Variants in PLCB1 observed in about 807,000 individuals in gnomAD.
PLCB1 encodes the protein 1-phosphatidylinositol 4,5-bisphosphate phosphodiesterase beta-1.
PLCB1 carries 46 observed loss-of-function variants against 161.8 expected under a neutral mutation model. The observed-to-expected ratio is 0.28, with a 90% CI of 0.22 to 0.36. The LOEUF (loss-of-function observed/expected upper bound fraction) is 0.36. PLCB1 is among the 10% of genes least tolerant of loss of function. The pLI, the probability that PLCB1 is intolerant of heterozygous loss-of-function variation, is 1.00. For missense variants in PLCB1, 1,016 were observed against 1,472.5 expected, an observed-to-expected ratio of 0.69 and a Z score of 5.07; for synonymous variants, 517 against 503.7, an observed-to-expected ratio of 1.03 and a Z score of -0.35.
At chr20:8,420,050 G>C (rs1979474882) in intron 3 of PLCB1, among the ~76,000 whole-genome samples, 2 of 152,148 alleles carry the variant, frequency 1.3e-5, no homozygotes, top group Non-Finnish European at 2.9e-5. Flanking sequence ...CTGATTAATG[G>C]AGCTGATTCT....
intron 4 of PLCB1, among the ~76,000 whole-genome samples, chr20:8,634,007 C>G (rs1402052942): frequency 1.3e-5 from 2 of 152,114 alleles, no homozygotes; most frequent in Non-Finnish European, 1.5e-5. Context: ...AATTTACTTA[C>G]AGTTCATGGG....
intron 3 of PLCB1, among the ~76,000 whole-genome samples, chr20:8,613,952 C>T (rs1379242847): frequency 6.6e-6 from 1 of 151,736 alleles, no homozygotes; most frequent in Non-Finnish European, 1.5e-5. Context: ...AATATTACAA[C>T]ATATATATCA....
chr20:8,580,268 A>G (rs556461852), intron 3 of PLCB1, among the ~76,000 whole-genome samples: 1 of 152,344 alleles, frequency 6.6e-6, no homozygotes, highest in South Asian at 2.1e-4. Context: ...CCTTCCCTTC[A>G]AAAATACACT....
At chr20:8,527,091 A>G (rs1244655157) in intron 3 of PLCB1, among the ~76,000 whole-genome samples, 3 of 152,122 alleles carry the variant, frequency 2.0e-5, no homozygotes, top group African/African-American at 4.8e-5. Context: ...ACACTTGAGT[A>G]TGCATTCTTC....
At chr20:8,800,274 A>C (rs933718185) in intron 31 of PLCB1, among the ~76,000 whole-genome samples, 3 of 152,350 alleles carry the variant, frequency 2.0e-5, no homozygotes, top group Admixed American at 6.5e-5. Flanking sequence ...GGCCATATTC[A>C]TGCAGCAAAT....
chr20:8,643,086 G>T (rs1480403710), intron 4 of PLCB1, among the ~76,000 whole-genome samples: 1 of 152,140 alleles, frequency 6.6e-6, no homozygotes, highest in Non-Finnish European at 1.5e-5. Context: ...CTTCTCTCTT[G>T]CAGCTATTCT....
intron 12 of PLCB1, among the ~76,000 whole-genome samples, chr20:8,710,303 T>C (rs1978927074): frequency 6.6e-6 from 1 of 151,984 alleles, no homozygotes; most frequent in African/African-American, 2.4e-5. Flanking sequence ...GAGAACTCAC[T>C]ATCGCAACAA....
chr20:8,382,798 C>T (rs529701576), intron 3 of PLCB1, among the ~76,000 whole-genome samples: 55 of 152,246 alleles, frequency 3.6e-4, no homozygotes, highest in African/African-American at 1.2e-3. Flanking sequence ...CAGCCCACCT[C>T]GGCCTCCCAA....
chr20:8,717,545 A>G, intron 13 of PLCB1, 126 bp from the exon 14 acceptor site: 3 of 651,240 alleles, frequency 4.6e-6, no homozygotes, highest in Non-Finnish European at 7.9e-6. Flanking sequence ...TAAGAGTTTA[A>G]TGAGCAGTGT....
At chr20:8,193,661 T>C (rs868263157) in intron 2 of PLCB1, among the ~76,000 whole-genome samples, 1 of 152,052 alleles carries the variant, frequency 6.6e-6, no homozygotes, top group Non-Finnish European at 1.5e-5. Context: ...GAGCTGTTTC[T>C]GTACTAGTTA....
At chr20:8,560,398 G>C (rs1428995456) in intron 3 of PLCB1, among the ~76,000 whole-genome samples, 1 of 151,748 alleles carries the variant, frequency 6.6e-6, no homozygotes, top group Non-Finnish European at 1.5e-5. Context: ...TTCTAATACA[G>C]AACTAAAGCT....
At chr20:8,267,223 G>GC (rs11404677) in intron 2 of PLCB1, among the ~76,000 whole-genome samples, 146,324 of 151,430 alleles carry the variant, frequency 0.97, 70,612 homozygotes, top group East Asian at 1. Flanking sequence ...TTGGCTTTGT[G>GC]CCAGATCCCC....
At chr20:8,435,541 G>T (rs1366343474) in intron 3 of PLCB1, among the ~76,000 whole-genome samples, 1 of 152,126 alleles carries the variant, frequency 6.6e-6, no homozygotes, top group East Asian at 1.9e-4. Context: ...TTTTGGAGAA[G>T]CCTACATATC....
chr20:8,467,760 TATCAGAAC>T (rs999962260), intron 3 of PLCB1, among the ~76,000 whole-genome samples: 18 of 152,180 alleles, frequency 1.2e-4, no homozygotes, highest in African/African-American at 3.9e-4. Context: ...TTTGGATTTT[TATCAGAAC>T]ATGTGTCCTT....
chr20:8,287,608 G>A (rs976529390), intron 2 of PLCB1, among the ~76,000 whole-genome samples: 2 of 152,266 alleles, frequency 1.3e-5, no homozygotes, highest in Admixed American at 6.5e-5. Context: ...ATCTTTACAA[G>A]GTGTAATAAT....
chr20:8,718,925 C>A (rs1756582707), intron 14 of PLCB1, among the ~76,000 whole-genome samples: 1 of 152,182 alleles, frequency 6.6e-6, no homozygotes, highest in Non-Finnish European at 1.5e-5. Context: ...TTTTTAAAAT[C>A]TGTGACATGG....
intron 2 of PLCB1, among the ~76,000 whole-genome samples, chr20:8,234,629 C>T (rs547720312): frequency 3.1e-4 from 47 of 152,206 alleles, no homozygotes; most frequent in South Asian, 2.7e-3. Context: ...CCAAGACATA[C>T]GCATACTTTA....
chr20:8,590,160 G>T (rs779547010), intron 3 of PLCB1, among the ~76,000 whole-genome samples: 3 of 152,144 alleles, frequency 2.0e-5, no homozygotes, highest in Non-Finnish European at 4.4e-5. Flanking sequence ...GAAAGGGCCT[G>T]GTAGGAGCCT....
intron 2 of PLCB1, among the ~76,000 whole-genome samples, chr20:8,330,547 C>T (rs547531977): frequency 2.8e-4 from 42 of 152,336 alleles, no homozygotes; most frequent in African/African-American, 9.6e-4. Context: ...TCATTTTTCA[C>T]ACCCAGCAAC....
Sources: allele counts gnomAD v4.1 joint callset (sites outside exome capture counted in the v4.1 genomes callset), GRCh38; gene constraint gnomAD v4.1.1; transcripts MANE v1.5; gene names NCBI Gene and HGNC (gene_info 2026-07-23, HGNC 2026-07-21).